DZANK1: variants seen among roughly 807,000 people sequenced by gnomAD.
DZANK1 encodes the protein double zinc ribbon and ankyrin repeat-containing protein 1.
Under a neutral mutation model 94.5 loss-of-function variants are expected in DZANK1, and 91 were observed. The ratio of observed to expected loss-of-function variants is 0.96; its 90% CI spans 0.81 to 1.15. The LOEUF is 1.15. Among genes scored for constraint, DZANK1 ranks in the 50% most tolerant of loss-of-function variants. The probability of loss-of-function intolerance (pLI) is 0.00; values close to 1 mark genes in which losing one functional copy is unlikely to be tolerated. For synonymous variants in DZANK1, 312 were observed against 325.3 expected (o/e 0.96, Z 0.44); for missense variants, 903 against 916.4 (o/e 0.99, Z 0.19).
At chr20:18,385,026 T>C in exon 20 of DZANK1, 2 of 1,552,640 alleles carry the variant, frequency 1.3e-6, no homozygotes, top group Middle Eastern at 1.7e-4. Context: ...CCCAGTAAAG[T>C]GGCGGTGCTC....
At chr20:18,434,209 T>G (rs1295176882) in intron 8 of DZANK1, among the ~76,000 whole-genome samples, 3 of 151,130 alleles carry the variant, frequency 2.0e-5, no homozygotes, top group African/African-American at 7.3e-5. Context: ...TAGGAAATTG[T>G]AGCATGATGG....
chr20:18,407,685 A>C (rs1450621750), intron 13 of DZANK1, among the ~76,000 whole-genome samples: 1 of 152,204 alleles, frequency 6.6e-6, no homozygotes, highest in Non-Finnish European at 1.5e-5. Flanking sequence ...ATAACACAGA[A>C]AAGGAATTCA....
chr20:18,390,749 T>C (rs1324843650), intron 17 of DZANK1, among the ~76,000 whole-genome samples: 1 of 152,138 alleles, frequency 6.6e-6, no homozygotes, highest in East Asian at 1.9e-4. Flanking sequence ...TCCACACTAG[T>C]TTTATTATGA....
chr20:18,412,246 TCAC>T (rs972786400), intron 13 of DZANK1, among the ~76,000 whole-genome samples: 3 of 151,904 alleles, frequency 2.0e-5, no homozygotes, highest in Non-Finnish European at 2.9e-5. Context: ...CAGGCATGAG[TCAC>T]CACAACTGGC....
intron 12 of DZANK1, chr20:18,413,300 A>G (rs981759907): frequency 5.9e-6 from 1 of 169,534 alleles, no homozygotes; most frequent in African/African-American, 2.4e-5. Context: ...AGTACCATTC[A>G]TATGGTGAAC....
chr20:18,425,973 TG>T (rs755806692), intron 10 of DZANK1, among the ~76,000 whole-genome samples: 6 of 152,322 alleles, frequency 3.9e-5, no homozygotes, highest in Non-Finnish European at 8.8e-5. Flanking sequence ...TCTCCAGAGC[TG>T]TAAGACAATA....
intron 13 of DZANK1, among the ~76,000 whole-genome samples, chr20:18,399,450 A>C (rs1479524266): frequency 6.6e-6 from 1 of 152,086 alleles, no homozygotes; most frequent in Non-Finnish European, 1.5e-5. Flanking sequence ...GGCTGGTCAC[A>C]AACTCCTGGG....
intron 19 of DZANK1, among the ~76,000 whole-genome samples, chr20:18,386,174 T>C (rs1280488325): frequency 6.6e-6 from 1 of 152,172 alleles, no homozygotes; most frequent in Non-Finnish European, 1.5e-5. Flanking sequence ...TGGCTTCCTC[T>C]CTGATGAAGA....
At chr20:18,411,669 T>G (rs1293778423) in intron 13 of DZANK1, among the ~76,000 whole-genome samples, 1 of 152,234 alleles carries the variant, frequency 6.6e-6, no homozygotes, top group Non-Finnish European at 1.5e-5. Context: ...AACTGCAGAC[T>G]AATATCTCTT....
At chr20:18,387,146 T>C (rs1014901428) in intron 19 of DZANK1, among the ~76,000 whole-genome samples, 6 of 152,208 alleles carry the variant, frequency 3.9e-5, no homozygotes, top group Non-Finnish European at 8.8e-5. Context: ...CATTCACCAT[T>C]TGAACTGGGA....
chr20:18,432,258 G>C (rs1411909755), intron 9 of DZANK1, among the ~76,000 whole-genome samples: 2 of 152,158 alleles, frequency 1.3e-5, no homozygotes, highest in Non-Finnish European at 2.9e-5. Flanking sequence ...AGTTTGCAGT[G>C]ATATTATCTT....
At chr20:18,411,835 T>C (rs1192986862) in intron 13 of DZANK1, among the ~76,000 whole-genome samples, 1 of 152,196 alleles carries the variant, frequency 6.6e-6, no homozygotes, top group Non-Finnish European at 1.5e-5. Context: ...TAAAGGTCCC[T>C]GCAGGTTAGG....
At chr20:18,425,160 A>C (rs922276066) in intron 10 of DZANK1, among the ~76,000 whole-genome samples, 13 of 152,214 alleles carry the variant, frequency 8.5e-5, no homozygotes, top group African/African-American at 3.1e-4. Flanking sequence ...AAAATAGGTG[A>C]ATTTTACTGC....
exon 5 of DZANK1, chr20:18,453,776 A>G (rs765012411): frequency 8.1e-6 from 13 of 1,612,844 alleles, no homozygotes; most frequent in Non-Finnish European, 1.0e-5. Flanking sequence ...TGATTTTCAG[A>G]GTTCTTATAT....
At chr20:18,411,996 C>T (rs1446156814) in intron 13 of DZANK1, among the ~76,000 whole-genome samples, 3 of 152,204 alleles carry the variant, frequency 2.0e-5, no homozygotes, top group Non-Finnish European at 4.4e-5. Flanking sequence ...TCATAAGGCA[C>T]TGATCTATTC....
At chr20:18,449,186 T>A in intron 6 of DZANK1, 117 bp from the exon 7 acceptor site, 1 of 805,546 alleles carries the variant, frequency 1.2e-6, no homozygotes, top group Non-Finnish European at 2.0e-6. Flanking sequence ...CATAGACATA[T>A]AAAGAGGAAT....
At chr20:18,443,361 G>T (rs1256080160) in exon 8 of DZANK1, 1 of 1,549,202 alleles carries the variant, frequency 6.5e-7, no homozygotes, top group East Asian at 2.4e-5. Flanking sequence ...GCTCCTTCTG[G>T]GGGTGGGAGA....
chr20:18,409,586 C>CACACACA (rs367672370), intron 13 of DZANK1, among the ~76,000 whole-genome samples: 19 of 112,512 alleles, frequency 1.7e-4, no homozygotes, highest in South Asian at 5.9e-4. Flanking sequence ...ACACACACCA[C>CACACACA]CACCACCACC....
At chr20:18,432,512 A>G in intron 9 of DZANK1, 1 of 152,230 alleles carries the variant, frequency 6.6e-6, no homozygotes, top group East Asian at 1.9e-4. Flanking sequence ...TGGCCTGGCC[A>G]GTTATTCAAA....
Sources: gnomAD v4.1 joint callset for allele counts (sites outside exome capture counted in the v4.1 genomes callset) on GRCh38, gnomAD v4.1.1 for gene constraint, MANE v1.5 for transcripts, NCBI Gene and HGNC (gene_info 2026-07-23, HGNC 2026-07-21) for gene names.